Variants in COL11A1 observed in about 807,000 individuals in gnomAD.
COL11A1 encodes collagen type XI alpha 1 chain.
In COL11A1, 74 loss-of-function variants were observed where a neutral mutation model predicts 265.2. The ratio of observed to expected loss-of-function variants is 0.28; its 90% confidence interval spans 0.23 to 0.34. The LOEUF is 0.34. Ranked by LOEUF, COL11A1 falls within the 10% of genes least tolerant of loss-of-function variation. The probability of loss-of-function intolerance (pLI) is 1.00; values close to 1 mark genes in which losing one functional copy is unlikely to be tolerated. For synonymous variants in COL11A1, 816 were observed against 727.6 expected, an observed-to-expected ratio of 1.12 and a Z score of -1.96; for missense variants, 2,165 against 2,263.6, an observed-to-expected ratio of 0.96 and a Z score of 0.88.
chr1:102,890,380 A>T, intron 58 of COL11A1, 71 bp downstream of exon 58: 4 of 1,343,538 alleles, frequency 3.0e-6, no homozygotes, highest in Non-Finnish European at 4.1e-6. Context: ...AATGATTTTA[A>T]TCTGCAAAAG....
intron 4 of COL11A1, among the ~76,000 whole-genome samples, chr1:103,051,876 C>T (rs973629914): frequency 1.3e-5 from 2 of 152,186 alleles, no homozygotes; most frequent in Non-Finnish European, 2.9e-5. Flanking sequence ...GATAGTTCCA[C>T]AGCCTTTTAC....
At chr1:102,893,247 A>G (rs1181592739) in intron 57 of COL11A1, among the ~76,000 whole-genome samples, 2 of 152,170 alleles carry the variant, frequency 1.3e-5, no homozygotes, top group Non-Finnish European at 2.9e-5. Flanking sequence ...AGTGAAAAAT[A>G]TATTAGACAT....
At chr1:102,953,419 T>C (rs999212778) in intron 41 of COL11A1, among the ~76,000 whole-genome samples, 4 of 152,148 alleles carry the variant, frequency 2.6e-5, no homozygotes, top group African/African-American at 9.7e-5. Flanking sequence ...TTTGTTGCCA[T>C]AGATGGAGAG....
At chr1:103,022,594 A>C in intron 8 of COL11A1, 148 bp downstream of exon 8, 1 of 839,090 alleles carries the variant, frequency 1.2e-6, no homozygotes, top group Non-Finnish European at 1.9e-6. Context: ...AAAGAATCTA[A>C]CAAGGTGTCC....
chr1:102,882,276 C>A (rs986067342), intron 64 of COL11A1, among the ~76,000 whole-genome samples: 5 of 152,174 alleles, frequency 3.3e-5, no homozygotes, highest in Non-Finnish European at 7.3e-5. Context: ...TATAGATCTG[C>A]ATTTATTGTT....
chr1:102,943,705 A>G (rs1266344188), intron 42 of COL11A1, among the ~76,000 whole-genome samples: 1 of 152,136 alleles, frequency 6.6e-6, no homozygotes, highest in Non-Finnish European at 1.5e-5. Flanking sequence ...ACACACATAC[A>G]TGCTAGAAAT....
chr1:103,074,024 A>G (rs1464901289), intron 4 of COL11A1, among the ~76,000 whole-genome samples: 1 of 152,094 alleles, frequency 6.6e-6, no homozygotes, highest in Admixed American at 6.6e-5. Flanking sequence ...GTTCTTTTAA[A>G]AAGTGACTAA....
chr1:103,025,457 A>G, intron 7 of COL11A1, 64 bp downstream of exon 7: 1 of 1,077,680 alleles, frequency 9.3e-7, no homozygotes, highest in Non-Finnish European at 1.4e-6. Flanking sequence ...AGAGTGAAGT[A>G]TATCAAAATA....
At position 103,095,442 on chromosome 1, in the gene COL11A1, G is replaced by A. The variant is rs1673674593; in HGVS notation, c.107-12470C>T. Among the ~76,000 whole-genome samples the A allele has an allele frequency of 3.3e-5, 5 of 152,032 alleles. No homozygotes were observed. The South Asian group carries it at 1.0e-3, about 32-fold the overall frequency. ...AATATCAAATAAAAAGAACAGGCAA[G>A]GCCTCAATAAGAAAATGATATTTGG... On this transcript the variant is annotated intron_variant, in intron 1 of 66. Coordinates refer to ENST00000370096, the MANE Select transcript of COL11A1 (RefSeq NM_001854.4).
At chr1:103,076,180 T>C (rs1039656633) in intron 3 of COL11A1, among the ~76,000 whole-genome samples, 9 of 152,164 alleles carry the variant, frequency 5.9e-5, no homozygotes, top group African/African-American at 2.2e-4. Context: ...CTTAGAGGCA[T>C]TCTTAATTAT....
At chr1:103,012,390 T>C in intron 14 of COL11A1, 23 bp downstream of exon 14, 5 of 1,603,062 alleles carry the variant, frequency 3.1e-6, no homozygotes, top group Non-Finnish European at 4.3e-6. Flanking sequence ...TTAACATATA[T>C]TATCTTTGTT....
chr1:102,913,058 T>C (rs116296017), intron 53 of COL11A1, among the ~76,000 whole-genome samples: 4,825 of 152,284 alleles, frequency 0.032, 104 homozygotes, highest in Middle Eastern at 0.082. Context: ...AATAAGCCTG[T>C]ATCTGTGATA....
At chr1:103,035,489 C>T (rs1668295840) in intron 4 of COL11A1, among the ~76,000 whole-genome samples, 1 of 152,048 alleles carries the variant, frequency 6.6e-6, no homozygotes, top group Non-Finnish European at 1.5e-5. Flanking sequence ...ATTTTGTGGA[C>T]TTCAGAAATA....
chr1:102,907,249 A>T (rs1570691523), intron 54 of COL11A1, among the ~76,000 whole-genome samples: 1 of 152,246 alleles, frequency 6.6e-6, no homozygotes, highest in Middle Eastern at 3.4e-3. Context: ...AAAATAGCTC[A>T]TCATCTTTCT....
At chr1:102,990,738 A>C (rs955652609) in intron 28 of COL11A1, among the ~76,000 whole-genome samples, 8 of 152,116 alleles carry the variant, frequency 5.3e-5, no homozygotes, top group Non-Finnish European at 1.2e-4. Context: ...TTTACCAGTA[A>C]AATCTAAAAG....
Position 102,877,878 on chromosome 1 carries a change from C to T in COL11A1, c.*141G>A. 2 of 777,298 alleles carry T rather than the reference C, an allele frequency of 2.6e-6. No individual in the cohort carries two copies. Among genetic ancestry groups the T allele is most frequent in the South Asian group, 3.2e-5 (2 of 63,062 alleles). The allele number at this position is 777,298 out of a possible 1,614,324, so 48.2% of individuals were successfully genotyped here. A position where few individuals can be genotyped will look rare whatever the true frequency, so the allele number is the denominator to read the frequency against. On this transcript the variant is annotated 3_prime_UTR_variant, in exon 67 of 67. Transcript: ENST00000370096. ...CCATGTGATTCTGCCCCCACAAAGG[C>T]ATCGGTATTTCCTAAATGGTACCTG...
At chr1:102,931,268 G>C (rs1158046594) in intron 46 of COL11A1, among the ~76,000 whole-genome samples, 1 of 151,498 alleles carries the variant, frequency 6.6e-6, no homozygotes, top group African/African-American at 2.4e-5. Context: ...CTTTGAATGC[G>C]TCCCAGAGAT....
intron 4 of COL11A1, among the ~76,000 whole-genome samples, chr1:103,040,322 T>C (rs1668710747): frequency 6.6e-6 from 1 of 151,350 alleles, no homozygotes; most frequent in Admixed American, 6.6e-5. Flanking sequence ...GTTCAAAAAG[T>C]ACATATTCTC....
intron 41 of COL11A1, among the ~76,000 whole-genome samples, chr1:102,952,161 C>T (rs970385789): frequency 1.3e-5 from 2 of 151,914 alleles, no homozygotes; most frequent in African/African-American, 2.4e-5. Context: ...TGCAGTGGTG[C>T]GATCTTGGCT....
Sources: gnomAD v4.1 joint callset for allele counts (sites outside exome capture counted in the v4.1 genomes callset) on GRCh38, gnomAD v4.1.1 for gene constraint, MANE v1.5 for transcripts, NCBI Gene and HGNC (gene_info 2026-07-23, HGNC 2026-07-21) for gene names.